TTN: variants seen among roughly 807,000 people sequenced by gnomAD.
The protein encoded by TTN is titin.
A neutral mutation model predicts 3,223.0 loss-of-function variants in TTN; 1,525 were observed. The ratio of observed to expected loss-of-function variants is 0.47; its 90% confidence interval spans 0.45 to 0.49. The LOEUF is 0.49. Among genes scored for constraint, TTN ranks in the 20% least tolerant of loss-of-function variants. The pLI is 0.00. For missense variants in TTN, 40,786 were observed against 43,424.0 expected, an observed-to-expected ratio of 0.94 and a Z score of 5.40; for synonymous variants, 14,094 against 15,161.0, an observed-to-expected ratio of 0.93 and a Z score of 5.17.
At position 178,587,210 on chromosome 2, in the gene TTN, T is replaced by C. The variant is rs753121509; in HGVS notation, c.64001A>G (p.Asn21334Ser). ...SFHVTNLVPG[N>S]EYYFRVTAVN... Reference sequence around the variant, plus strand: ...AGCAGTTACTCTGAAGTAATACTCATTCCCAGGGACAAGATTGGTTACATG... The same window carrying C: ...AGCAGTTACTCTGAAGTAATACTCACTCCCAGGGACAAGATTGGTTACATG... Residue 21334 changes from asparagine (N) to serine (S), a missense_variant, in exon 307 of 363, where the codon AAT becomes AGT. By Grantham distance (46) the Asn-to-Ser change is conservative (BLOSUM62 1). Transcript: ENST00000589042. The C allele has an allele frequency of 2.4e-5, 39 of 1,613,148 alleles. No homozygotes were observed. The highest frequency in any genetic ancestry group is 4.0e-5 in the African/African-American group (3 of 74,860).
intron 242 of TTN, among the ~76,000 whole-genome samples, chr2:178,624,156 A>T (rs181029828): frequency 6.6e-6 from 1 of 152,068 alleles, no homozygotes; most frequent in Admixed American, 6.6e-5. Flanking sequence ...CCTCATCCAT[A>T]TCAGGATATC....
chr2:178,796,078 G>A (rs1381220548), intron 6 of TTN, among the ~76,000 whole-genome samples: 3 of 152,248 alleles, frequency 2.0e-5, no homozygotes, highest in East Asian at 3.9e-4. Context: ...TTGCTTTTTA[G>A]GTGTATCCAA....
Position 178,543,082 on chromosome 2 carries a change from T to C in TTN, c.96891A>G (p.Val32297=). ...TTTGGTACATACCTCTGAGGTCTTG[T>C]ACAGTCACGGCTGTGACAGTCTCTC... ...EPRETVTAVT[V]QDLRVLPTID... Residue 32297 remains valine, a synonymous_variant, in exon 347 of 363, where the codon GTA becomes GTG. Coordinates refer to ENST00000589042, the MANE Select transcript of TTN (RefSeq NM_001267550.2). The C allele has an allele frequency of 1.3e-6, 2 of 1,592,734 alleles. No homozygotes were observed. The highest frequency in any genetic ancestry group is 1.7e-6 in the Non-Finnish European group (2 of 1,166,514).
intron 294 of TTN, among the ~76,000 whole-genome samples, chr2:178,597,019 A>G (rs1263224519): frequency 1.3e-5 from 2 of 152,136 alleles, no homozygotes; most frequent in Non-Finnish European, 2.9e-5. Flanking sequence ...CGATAGGGGT[A>G]GAGTCTCATG....
rs368887734 is a variant in TTN, at chr2:178,802,287, G to T, written c.146C>A (p.Ser49Tyr). 2.5e-6 allele frequency: 4 copies of T among 1,614,048 alleles called. No homozygotes were observed. The African/African-American group carries it at 5.3e-5, about 22-fold the overall frequency. ...WFRDGQVIST[S>Y]TLPGVQISFS... ...GGAGATCTGCACGCCGGGCAGAGTG[G>T]AAGTGGAAATCACCTGGCCATCCCT... The change falls in exon 3 of 363, where the codon TCC becomes TAC. Residue 49 changes from serine to tyrosine, a missense_variant. Ser to Tyr is a moderately radical substitution (Grantham distance 144). Transcript: ENST00000589042.
chr2:178,623,239 A>C (rs1348109810), intron 242 of TTN, among the ~76,000 whole-genome samples: 2 of 151,934 alleles, frequency 1.3e-5, no homozygotes, highest in Non-Finnish European at 2.9e-5. Flanking sequence ...TATGGCTAAG[A>C]GGCATGAGGC....
intron 112 of TTN, among the ~76,000 whole-genome samples, chr2:178,697,707 ATT>A (rs1208631166): frequency 6.6e-6 from 1 of 152,160 alleles, no homozygotes; most frequent in East Asian, 1.9e-4. Context: ...AGTTAAAACT[ATT>A]TGTTTAAATT....
intron 45 of TTN, among the ~76,000 whole-genome samples, chr2:178,757,229 A>ACTGTACTTGCTTTAGGT (rs1398848581): frequency 6.7e-6 from 1 of 149,626 alleles, no homozygotes; most frequent in African/African-American, 2.4e-5. Context: ...AGTAAGTAAT[A>ACTGTACTTGCTTTAGGT]ATCAGCAAAT....
chr2:178,749,291 G>A (rs1408810089), intron 47 of TTN: 7 of 1,611,426 alleles, frequency 4.3e-6, no homozygotes, highest in Middle Eastern at 1.6e-4. Flanking sequence ...GTGCAGCTTT[G>A]ATTTTTCACT....
rs1475736042 is a variant in TTN at position 178,584,722 on chromosome 2, A to G, written c.64919T>C (p.Phe21640Ser). 6.2e-7 allele frequency: 1 copy of G among 1,613,486 alleles called. No homozygotes were observed. The highest frequency in any genetic ancestry group is 2.2e-5 in the East Asian group (1 of 44,824). ...AGATGTGAGAGGCTCTGAAATGCCA[A>G]ATCGGTTTTCAGCACGGACCCGGAA... ...YIFRVRAENRFGISEPLTSPK... is the reference protein window; with the variant it reads ...YIFRVRAENRSGISEPLTSPK... Residue 21640 changes from phenylalanine to serine, a missense_variant, in exon 310 of 363, where the codon TTT becomes TCT. Physicochemically the swap from Phe to Ser is radical, Grantham distance 155. Transcript: ENST00000589042.
chr2:178,636,712 G>A lies in TTN; in HGVS notation c.41015C>T (p.Ala13672Val). 1 of 1,613,178 alleles carries A rather than the reference G, an allele frequency of 6.2e-7. No individual in the cohort carries two copies. The highest frequency in any genetic ancestry group is 8.5e-7 in the Non-Finnish European group (1 of 1,179,450). The change falls in exon 225 of 363, where the codon GCC (alanine) becomes GTC (valine). Residue 13672 changes from alanine (A) to valine (V), a missense_variant. Ala to Val is a moderately conservative substitution (Grantham distance 64). Coordinates refer to ENST00000589042, the MANE Select transcript of TTN (RefSeq NM_001267550.2). The surrounding 1 kb of genome is among the most constrained non-coding windows in gnomAD (Gnocchi z 4.3). ...GSGGEKPPDE[A>V]PFTYQLKAVP... ...AGCCTTTAGCTGGTAGGTGAACGGG[G>A]CTTCATCAGGAGGTTTCTCTCCACC...
chr2:178,768,143 T>A lies in TTN; in HGVS notation c.9176A>T (p.Glu3059Val), dbSNP rs727504501. ...ATLYVEARHI[E>V]FRKHIKDIKV... ...AATGTCCTTAATGTGTTTCCTAAAT[T>A]CTATATGACGAGCTGGAAAATAGCA... is the stretch of plus-strand genomic sequence containing the variant. Residue 3059 changes from glutamate (E) to valine (V), a missense_variant, in exon 39 of 363, where the codon GAA (glutamate) becomes GTA (valine). Glu to Val is a moderately radical substitution (Grantham distance 121). Transcript: ENST00000589042. 45 of 1,613,930 alleles carry A rather than the reference T, an allele frequency of 2.8e-5. No individual in the cohort carries two copies. In the East Asian group the frequency reaches 6.9e-4, roughly 25 times the overall value.
chr2:178,652,826 G>A (rs889136373), intron 200 of TTN, 22 bp downstream of exon 200: 3 of 1,609,142 alleles, frequency 1.9e-6, no homozygotes, highest in Non-Finnish European at 1.7e-6. Flanking sequence ...ATCTTCTGAA[G>A]CCTAAAGCCA....
At position 178,663,946 on chromosome 2, in the gene TTN, C is replaced by A. The variant is rs369787573; in HGVS notation, c.36365-44G>T. On this transcript the variant is annotated intron_variant, in intron 169 of 362. Transcript: ENST00000589042. ...AATTACATTTAGGTGTTATGAAGAC[C>A]GCTAGAAAAAAATATTGTCAAGAGC... is the stretch of plus-strand genomic sequence containing the variant. The A allele has an allele frequency of 9.3e-6, 15 of 1,609,980 alleles. No individual in the cohort carries two copies. The African/African-American group carries it at 2.0e-4, about 22-fold the overall frequency.
chr2:178,786,216 AGGCAGAT>A, intron 13 of TTN, 75 bp from the exon 14 acceptor site: 1 of 1,527,280 alleles, frequency 6.5e-7, no homozygotes, highest in Non-Finnish European at 9.0e-7. Flanking sequence ...GCATCAGGAC[AGGCAGAT>A]GGCGTCCACA....
chr2:178,776,149 A>C lies in TTN; in HGVS notation c.5715T>G (p.Tyr1905Ter). The C allele has an allele frequency of 6.2e-7, 1 of 1,614,174 alleles. No individual in the cohort carries two copies. Among genetic ancestry groups the C allele is most frequent in the South Asian group, 1.1e-5 (1 of 91,090 alleles). The change falls in exon 28 of 363, where the codon TAT becomes TAG. Residue 1905 changes from tyrosine to a stop codon, truncating the protein, a stop_gained. Coordinates refer to ENST00000589042, the MANE Select transcript of TTN (RefSeq NM_001267550.2). LOFTEE classifies it high-confidence loss of function. Reference sequence around the variant, plus strand: ...CGGTGACCTTCACTTCACCTGTGTCATATGATTTGCAGTCCACGATGTCCA... The same window carrying C: ...CGGTGACCTTCACTTCACCTGTGTCCTATGATTTGCAGTCCACGATGTCCA... Reference protein sequence around the residue: ...HYLDIVDCKSYDTGEVKVTAE... With the variant: ...HYLDIVDCKS
chr2:178,695,276 T>C (rs2073434191), intron 115 of TTN, 72 bp downstream of exon 115: 3 of 1,224,622 alleles, frequency 2.4e-6, no homozygotes, highest in Non-Finnish European at 2.4e-6. Context: ...TGCTGATTTA[T>C]ACATTGCTGC....
rs1064795240 is a variant in TTN, at chr2:178,733,134, CAAG to C, written c.16055-16_16055-14del. 1.9e-6 allele frequency: 3 copies of C among 1,572,840 alleles called. No individual in the cohort carries two copies. The highest frequency in any genetic ancestry group is 2.6e-6 in the Non-Finnish European group (3 of 1,158,584). On this transcript the variant is annotated splice_polypyrimidine_tract_variant and intron_variant, in intron 54 of 362. Coordinates refer to ENST00000589042, the MANE Select transcript of TTN (RefSeq NM_001267550.2). ...GCAATGTCTCGATCTGTGTGTTGCA[CAAG>C]AAGGGAGAAAAGGTCAATATAGAAG...
chr2:178,609,170 A>T (rs2055687323), intron 273 of TTN, 38 bp downstream of exon 273: 1 of 1,451,342 alleles, frequency 6.9e-7, no homozygotes, highest in Non-Finnish European at 9.0e-7. Flanking sequence ...TTTTACTAAA[A>T]CCTTTTTCCA....
Sources: gnomAD v4.1 joint callset for allele counts (sites outside exome capture counted in the v4.1 genomes callset) on GRCh38, gnomAD v4.1.1 for gene constraint, Gnocchi (gnomAD v3.1) non-coding constraint, MANE v1.5 for transcripts, NCBI Gene and HGNC (gene_info 2026-07-23, HGNC 2026-07-21) for gene names.